PSPH: variants seen among roughly 807,000 people sequenced by gnomAD.
The protein encoded by PSPH is phosphoserine phosphatase, also known as L-3-phosphoserine phosphatase.
Under a neutral mutation model 23.4 loss-of-function variants are expected in PSPH, and 16 were observed. That is an observed-to-expected ratio of 0.68 (90% CI 0.46 to 1.04). The LOEUF is 1.04. Among genes scored for constraint, PSPH ranks in the 50% least tolerant of loss-of-function variants. The pLI is 0.00. For synonymous variants in PSPH, 68 were observed against 99.7 expected (o/e 0.68, Z 1.89); for missense variants, 223 against 273.7 (o/e 0.81, Z 1.31).
intron 1 of PSPH, among the ~76,000 whole-genome samples, chr7:56,045,072 C>CAAAAAAAAAAAAAAAAAAAAA (rs35552809): frequency 8.5e-6 from 1 of 117,360 alleles, no homozygotes. Context: ...AACTCTGCCT[C>CAAAAAAAAAAAAAAAAAAAAA]AAAAAAAAAA....
chr7:56,017,826 G>A (rs193136423), intron 5 of PSPH, among the ~76,000 whole-genome samples: 30 of 150,584 alleles, frequency 2.0e-4, no homozygotes, highest in African/African-American at 6.1e-4. Flanking sequence ...GGGTTCAAGC[G>A]ATTCTCTTGT....
intron 3 of PSPH, among the ~76,000 whole-genome samples, chr7:56,026,198 G>A (rs1790159695): frequency 1.3e-5 from 2 of 152,186 alleles, no homozygotes; most frequent in South Asian, 4.2e-4. Context: ...ACAAGGGGCC[G>A]GCTGCAGTGG....
intron 1 of PSPH, among the ~76,000 whole-genome samples, chr7:56,045,620 CT>C (rs1459750038): frequency 7.9e-5 from 12 of 151,984 alleles, no homozygotes; most frequent in Non-Finnish European, 1.8e-4. Context: ...GGCGCGGTGG[CT>C]CCAGGCCTGT....
intron 3 of PSPH, among the ~76,000 whole-genome samples, chr7:56,022,297 G>A (rs1789578690): frequency 6.6e-6 from 1 of 152,108 alleles, no homozygotes; most frequent in Non-Finnish European, 1.5e-5. Context: ...TCGTGCCACT[G>A]CACTCCAGCC....
intron 1 of PSPH, among the ~76,000 whole-genome samples, chr7:56,041,949 G>C (rs997041568): frequency 4.7e-5 from 7 of 150,102 alleles, no homozygotes; most frequent in Non-Finnish European, 8.9e-5. Flanking sequence ...TGGACCGGGC[G>C]CAGTGGCTCA....
intron 4 of PSPH, 104 bp downstream of exon 4, chr7:56,020,969 G>A: frequency 1.5e-6 from 2 of 1,347,082 alleles, no homozygotes; most frequent in Non-Finnish European, 2.1e-6. Flanking sequence ...GAAAGAAAAA[G>A]CCTAGTGCAA....
At chr7:56,049,336 C>A (rs973388007) in intron 1 of PSPH, among the ~76,000 whole-genome samples, 1 of 152,138 alleles carries the variant, frequency 6.6e-6, no homozygotes, top group African/African-American at 2.4e-5. Flanking sequence ...CCTCCCTGTA[C>A]AGACCCATGG....
chr7:56,041,244 G>A (rs1001988807), intron 1 of PSPH, among the ~76,000 whole-genome samples: 1 of 128,350 alleles, frequency 7.8e-6, no homozygotes, highest in African/African-American at 3.0e-5. Flanking sequence ...ACAGAATCTC[G>A]CTCTGTGGCC....
At chr7:56,041,961 G>A (rs1256532416) in intron 1 of PSPH, among the ~76,000 whole-genome samples, 2 of 149,964 alleles carry the variant, frequency 1.3e-5, no homozygotes, top group Admixed American at 6.6e-5. Flanking sequence ...AGTGGCTCAT[G>A]CCTGTAATCC....
chr7:56,031,901 A>G (rs1052721904), intron 3 of PSPH, 28 bp downstream of exon 3: 9 of 153,360 alleles, frequency 5.9e-5, no homozygotes, highest in Non-Finnish European at 8.8e-5. Flanking sequence ...AACCAAAACA[A>G]AACCAAGAAA....
chr7:56,013,156 T>TACACAC (rs34329610), intron 7 of PSPH, among the ~76,000 whole-genome samples: 21,232 of 141,994 alleles, frequency 0.15, 1,842 homozygotes, highest in Non-Finnish European at 0.19. Context: ...TGTATGTGTA[T>TACACAC]ACACACACAC....
chr7:56,018,346 A>C (rs913397369), intron 5 of PSPH, among the ~76,000 whole-genome samples: 2 of 141,684 alleles, frequency 1.4e-5, no homozygotes, highest in South Asian at 2.2e-4. Context: ...CTGTCTCAAA[A>C]AACAACAACA....
At chr7:56,031,195 G>T (rs1382688837) in intron 3 of PSPH, among the ~76,000 whole-genome samples, 28 of 150,596 alleles carry the variant, frequency 1.9e-4, no homozygotes, top group African/African-American at 6.6e-4. Context: ...TCTGGCCTGG[G>T]CGACAGAGCG....
At chr7:56,043,786 C>A (rs549440414) in intron 1 of PSPH, among the ~76,000 whole-genome samples, 1 of 151,964 alleles carries the variant, frequency 6.6e-6, no homozygotes, top group Non-Finnish European at 1.5e-5. Context: ...TGTGATCATG[C>A]CACTGCACTC....
chr7:56,021,675 G>A (rs1232395739), intron 3 of PSPH, among the ~76,000 whole-genome samples: 5 of 151,402 alleles, frequency 3.3e-5, no homozygotes, highest in African/African-American at 7.3e-5. Flanking sequence ...GAGGCCGGGC[G>A]CGGTGGCTCA....
rs773455123 is a variant in PSPH at position 56,019,689 on chromosome 7, G to C, written c.186C>G (p.Leu62=). ...MGGAVPFKAA[L]TERLALIQPS... is the part of the protein sequence containing the mutation. ...GCTGGATGAGGGCTAAGCGCTCTGT[G>C]AGAGCAGCTTTGAAAGGCACTGCCC... The change falls in exon 5 of 8, where the codon CTC becomes CTG. Residue 62 remains leucine, a synonymous_variant. Coordinates refer to ENST00000275605, the MANE Select transcript of PSPH (RefSeq NM_004577.4). 1 of 1,613,896 alleles carries C rather than the reference G, an allele frequency of 6.2e-7. No homozygotes were observed. Among genetic ancestry groups the C allele is most frequent in the Non-Finnish European group, 8.5e-7 (1 of 1,179,886 alleles).
rs1562786275 is a variant in PSPH at position 56,017,262 on chromosome 7, A to G, written c.393T>C (p.Phe131=). ...SKLNIPATNV[F]ANRLKFYFNG... ...TAAAGTAGAATTTCAGCCTATTGGC[A>G]AATACATTGGTTGCTGGGATATTGA... is the stretch of plus-strand genomic sequence containing the variant. The change falls in exon 6 of 8, where the codon TTT becomes TTC. Residue 131 remains phenylalanine (F), a synonymous_variant. Coordinates refer to ENST00000275605, the MANE Select transcript of PSPH (RefSeq NM_004577.4). 1 of 1,613,968 alleles carries G rather than the reference A, an allele frequency of 6.2e-7. No homozygotes were observed. The highest frequency in any genetic ancestry group is 2.2e-5 in the East Asian group (1 of 44,870).
chr7:56,035,502 CAG>C (rs966468214), intron 1 of PSPH, among the ~76,000 whole-genome samples: 1 of 152,090 alleles, frequency 6.6e-6, no homozygotes, highest in African/African-American at 2.4e-5. Context: ...CAAAGGCTGA[CAG>C]TCTGCACTCC....
chr7:56,016,906 T>G (rs888666098), intron 6 of PSPH, among the ~76,000 whole-genome samples: 3 of 152,046 alleles, frequency 2.0e-5, no homozygotes, highest in African/African-American at 7.2e-5. Context: ...CTAAATTGCT[T>G]CAAATGCATA....
Sources: gnomAD v4.1 joint callset for allele counts (sites outside exome capture counted in the v4.1 genomes callset) on GRCh38, gnomAD v4.1.1 for gene constraint, MANE v1.5 for transcripts, NCBI Gene and HGNC (gene_info 2026-07-23, HGNC 2026-07-21) for gene names.